CBLB: variants seen among roughly 807,000 people sequenced by gnomAD.
CBLB encodes the protein Cbl proto-oncogene B, also known as E3 ubiquitin-protein ligase CBL-B.
A neutral mutation model predicts 104.9 loss-of-function variants in CBLB; 31 were observed. The ratio of observed to expected loss-of-function variants is 0.30; its 90% CI spans 0.22 to 0.40. The LOEUF is 0.40. Among genes scored for constraint, CBLB ranks in the 10% least tolerant of loss-of-function variants. The pLI is 1.00. For missense variants in CBLB, 1,062 were observed against 1,214.6 expected (o/e 0.87, Z 1.87); for synonymous variants, 440 against 422.6 (o/e 1.04, Z -0.51).
rs115149580 is a variant in CBLB, at chr3:105,741,164, C to A, written c.846-533G>T. 6.8e-3 allele frequency among the ~76,000 whole-genome samples: 772 copies of A among 114,294 alleles called. 9 individuals carry two copies. Among genetic ancestry groups the A allele is most frequent in the African/African-American group, 0.024 (726 of 29,806 alleles). 75.0% of individuals were successfully genotyped at this position (114,294 alleles called of 152,430 possible). On this transcript the variant is annotated intron_variant, in intron 6 of 18. Transcript: ENST00000394030. ...ACCCAGGCTTAGAATTCGATATATT[C>A]CTTTGTAATTTAGACATTAAAATTA... is the stretch of plus-strand genomic sequence containing the variant.
chr3:105,702,475 A>AC lies in CBLB; in HGVS notation c.1594-17_1594-16insG, dbSNP rs2069315944. 31 of 1,170,392 alleles carry AC rather than the reference A, an allele frequency of 2.6e-5. No homozygotes were observed. Among genetic ancestry groups the AC allele is most frequent in the East Asian group, 6.7e-5 (2 of 30,056 alleles). 72.5% of individuals were successfully genotyped at this position (1,170,392 alleles called of 1,614,324 possible). ...AAGGAGAAGACTAAAGAAACAGAAG[A>AC]GAAAAAAAAAAAAAAAAAAAAAAAC... On this transcript the variant is annotated splice_polypyrimidine_tract_variant and intron_variant, in intron 11 of 18. Transcript: ENST00000394030.
rs77464930 is a variant in CBLB, at chr3:105,720,154, T to G, written c.1300A>C (p.Arg434=). The G allele has an allele frequency of 1.2e-6, 2 of 1,613,908 alleles. No individual in the cohort carries two copies. Among genetic ancestry groups the G allele is most frequent in the Admixed American group, 3.3e-5 (2 of 59,994 alleles). Residue 434 remains arginine (R), a synonymous_variant, in exon 10 of 19, where the codon AGG becomes CGG. Transcript: ENST00000394030. The stretch of plus-strand genomic sequence containing the variant: ...AAGGGGTCAATGATGCTGCAACACC[T>G]GGAGCCTTCATCTCTTGGATCAAAG... The part of the protein sequence containing the change: ...DPFDPRDEGS[R]CCSIIDPFGM...
intron 3 of CBLB, among the ~76,000 whole-genome samples, chr3:105,779,348 T>C (rs2079861961): frequency 6.6e-6 from 1 of 152,194 alleles, no homozygotes; most frequent in Non-Finnish European, 1.5e-5. Flanking sequence ...GACTATAAAA[T>C]GTGTATATGC....
chr3:105,837,871 C>T (rs745691440), intron 3 of CBLB, among the ~76,000 whole-genome samples: 3 of 152,138 alleles, frequency 2.0e-5, no homozygotes, highest in Admixed American at 1.3e-4. Context: ...GACACTTCAA[C>T]ACTTTCCATT....
chr3:105,828,001 A>G (rs2086850219), intron 3 of CBLB, among the ~76,000 whole-genome samples: 1 of 152,288 alleles, frequency 6.6e-6, no homozygotes, highest in South Asian at 2.1e-4. Flanking sequence ...ATACTATCTG[A>G]TGCTGATGTT....
In CBLB at chr3:105,834,733, A is replaced by G. The variant is rs188586316; in HGVS notation, c.419+18681T>C. On this transcript the variant is annotated intron_variant, in intron 3 of 18. Transcript: ENST00000394030. ...AAAAACAAAATCTTCCCCACTATAC[A>G]TAAATGAACTCAAGTATTCAGAAAC... 1.6e-4 allele frequency among the ~76,000 whole-genome samples: 24 copies of G among 152,344 alleles called. No homozygotes were observed. In the East Asian group the frequency reaches 4.6e-3, roughly 29 times the overall value.
intron 3 of CBLB, among the ~76,000 whole-genome samples, chr3:105,812,380 C>A (rs2084425270): frequency 6.6e-6 from 1 of 152,130 alleles, no homozygotes; most frequent in African/African-American, 2.4e-5. Context: ...AAACTCAGAT[C>A]AGTGGGATAA....
intron 3 of CBLB, among the ~76,000 whole-genome samples, chr3:105,842,893 T>C (rs2089743763): frequency 6.6e-6 from 1 of 152,224 alleles, no homozygotes; most frequent in East Asian, 1.9e-4. Flanking sequence ...AACTTACATA[T>C]AATGCAACTT....
intron 3 of CBLB, among the ~76,000 whole-genome samples, chr3:105,779,850 T>G (rs988127089): frequency 6.6e-6 from 1 of 152,164 alleles, no homozygotes; most frequent in Non-Finnish European, 1.5e-5. Context: ...CTATGCATCC[T>G]TTGATACCTA....
intron 3 of CBLB, chr3:105,824,262 C>T (rs1187324598): frequency 6.6e-6 from 1 of 152,216 alleles, no homozygotes; most frequent in Non-Finnish European, 1.5e-5. Flanking sequence ...AGACAAGTCA[C>T]TACAGTCTGT....
In CBLB at chr3:105,704,029, T is replaced by A; in HGVS notation, c.1552A>T (p.Ile518Leu). 6.2e-7 allele frequency: 1 copy of A among 1,614,202 alleles called. No individual in the cohort carries two copies. Among genetic ancestry groups the A allele is most frequent in the Non-Finnish European group, 8.5e-7 (1 of 1,180,016 alleles). Residue 518 changes from isoleucine to leucine, a missense_variant, in exon 11 of 19, where the codon ATA becomes TTA. Ile to Leu is a conservative substitution (Grantham distance 5). This residue lies in a region of CBLB where 605 missense variants were observed against 582.6 expected (regional missense o/e 1.04). Coordinates refer to ENST00000394030, the MANE Select transcript of CBLB (RefSeq NM_170662.5). ...GGGCTGCCACAGGGAGATCTAACTA[T>A]GCCTTTCTGAATTAGATCCAGGCGA... ...PPRLDLIQKG[I>L]VRSPCGSPTG...
chr3:105,697,513 A>G (rs2068534521), intron 12 of CBLB, among the ~76,000 whole-genome samples: 1 of 152,002 alleles, frequency 6.6e-6, no homozygotes, highest in African/African-American at 2.4e-5. Flanking sequence ...TACACATGCT[A>G]CCTCAAAAGT....
At chr3:105,731,015 T>G (rs2074257765) in intron 9 of CBLB, among the ~76,000 whole-genome samples, 1 of 152,224 alleles carries the variant, frequency 6.6e-6, no homozygotes, top group African/African-American at 2.4e-5. Context: ...AACAACTTAC[T>G]AACATTACTG....
At chr3:105,801,389 GATTA>G (rs896498513) in intron 3 of CBLB, among the ~76,000 whole-genome samples, 19 of 152,106 alleles carry the variant, frequency 1.2e-4, no homozygotes, top group African/African-American at 4.6e-4. Flanking sequence ...ATGTATTACA[GATTA>G]TTTAAAATGT....
chr3:105,806,787 A>G (rs1428651567), intron 3 of CBLB, among the ~76,000 whole-genome samples: 1 of 152,230 alleles, frequency 6.6e-6, no homozygotes, highest in East Asian at 1.9e-4. Context: ...AACTGTTAAA[A>G]TACTGGTCAA....
rs557828427 is a variant in CBLB, at chr3:105,737,788, C to G, written c.984-530G>C. ...TCTCCCATCTTCCCCTCACCTAACA[C>G]AAACACATGTGCACATATGCAAACA... On this transcript the variant is annotated intron_variant, in intron 7 of 18. Transcript: ENST00000394030. Among the ~76,000 whole-genome samples the G allele has an allele frequency of 2.0e-5, 3 of 152,282 alleles. No homozygotes were observed. In the South Asian group the frequency reaches 6.2e-4, roughly 32 times the overall value.
chr3:105,689,424 T>C (rs886301491), intron 13 of CBLB, among the ~76,000 whole-genome samples: 5 of 151,194 alleles, frequency 3.3e-5, no homozygotes, highest in African/African-American at 7.3e-5. Flanking sequence ...TATTGATTCA[T>C]GGCTATTTGA....
chr3:105,868,701 T>C, intron 1 of CBLB, 35 bp downstream of exon 1: 1 of 997,230 alleles, frequency 1.0e-6, no homozygotes, highest in East Asian at 8.6e-5. Context: ...CGGCAAGAAG[T>C]GTGGAGCCTC....
At chr3:105,803,998 T>TAA (rs1382357774) in intron 3 of CBLB, among the ~76,000 whole-genome samples, 4 of 152,182 alleles carry the variant, frequency 2.6e-5, no homozygotes, top group African/African-American at 9.7e-5. Flanking sequence ...GCTACAACTT[T>TAA]ATGAAGTTAG....
Sources: gnomAD v4.1 joint callset for allele counts (sites outside exome capture counted in the v4.1 genomes callset) on GRCh38, gnomAD v4.1.1 for gene constraint, gnomAD v4.1.1 regional missense constraint, MANE v1.5 for transcripts, NCBI Gene and HGNC (gene_info 2026-07-23, HGNC 2026-07-21) for gene names.